PARG: variants seen among roughly 807,000 people sequenced by gnomAD.
PARG encodes poly(ADP-ribose) glycohydrolase.
PARG carries 35 observed loss-of-function variants against 113.0 expected under a neutral mutation model. That is an observed-to-expected ratio of 0.31 (90% CI 0.24 to 0.41). The LOEUF (loss-of-function observed/expected upper bound fraction) is 0.41. Ranked by LOEUF, PARG falls within the 10% of genes least tolerant of loss-of-function variation. The pLI, the probability that PARG is intolerant of heterozygous loss-of-function variation, is 1.00. For synonymous variants in PARG, 330 were observed against 409.9 expected, an observed-to-expected ratio of 0.81 and a Z score of 2.36; for missense variants, 797 against 1,169.4, an observed-to-expected ratio of 0.68 and a Z score of 4.64.
Position 49,932,112 on chromosome 10 carries a change from T to C in PARG, c.1443A>G (p.Thr481=). The change falls in exon 4 of 18, where the codon ACA becomes ACG. Residue 481 remains threonine (T), a synonymous_variant. Transcript: ENST00000616448. ...AGGTGCTACCTACCCGAATAGTTACTGTGTGATTGGCAGATGGTCTCAAGA... is the reference window on the plus strand; with the variant it reads ...AGGTGCTACCTACCCGAATAGTTACCGTGTGATTGGCAGATGGTCTCAAGA... ...LPLLRPSANH[T]VTIRVDLLRA... 1.9e-6 allele frequency: 3 copies of C among 1,591,170 alleles called. No individual in the cohort carries two copies. The highest frequency in any genetic ancestry group is 2.6e-6 in the Non-Finnish European group (3 of 1,159,060).
intron 6 of PARG, 26 bp from the exon 7 acceptor site, chr10:49,916,017 AC>A (rs1554847528): frequency 7.7e-7 from 1 of 1,298,850 alleles, no homozygotes; most frequent in Middle Eastern, 1.8e-4. Context: ...AAACAAAAAA[AC>A]GTCATGGTAT....
chr10:49,939,972 C>G (rs1332319591), intron 1 of PARG, among the ~76,000 whole-genome samples: 1 of 152,208 alleles, frequency 6.6e-6, no homozygotes, highest in Non-Finnish European at 1.5e-5. Context: ...GCTTTCCTCC[C>G]ACCTCTACAG....
In PARG at chr10:49,935,123, A is replaced by G. The variant is rs1332878155; in HGVS notation, c.237T>C (p.Ile79=). ...ATSLVFKQKT[I]TSWMDTKGIK... is the part of the protein sequence containing the mutation. ...TTCCTTTAGTGTCCATCCAACTGGT[A>G]ATAGTCTTTTGTTTGAAAACTATAA... The change falls in exon 2 of 18, where the codon ATT becomes ATC. Residue 79 remains isoleucine (I), a synonymous_variant. Coordinates refer to ENST00000616448, the MANE Select transcript of PARG (RefSeq NM_003631.5). The G allele has an allele frequency of 2.6e-6, 2 of 775,510 alleles. No homozygotes were observed. The highest frequency in any genetic ancestry group is 5.3e-5 in the East Asian group (2 of 37,516). 48.0% of individuals were successfully genotyped at this position (775,510 alleles called of 1,614,324 possible).
chr10:49,833,062 G>C (rs1355497110), intron 15 of PARG, 154 bp from the exon 16 acceptor site: 10 of 453,466 alleles, frequency 2.2e-5, no homozygotes, highest in Middle Eastern at 4.7e-4. Context: ...AAACAAAGAG[G>C]GAGAAAGGGA....
chr10:49,922,433 G>C lies in PARG; in HGVS notation c.1579-14C>G. ...TCGCTCACCATTCTTTTGGAAAAAA[G>C]AAAAACATATGAGGAAGCTATTCTA... On this transcript the variant is annotated splice_polypyrimidine_tract_variant and intron_variant, in intron 5 of 17. Transcript: ENST00000616448. 1 of 1,609,224 alleles carries C rather than the reference G, an allele frequency of 6.2e-7. No homozygotes were observed.
intron 6 of PARG, among the ~76,000 whole-genome samples, chr10:49,921,818 C>A (rs1178129393): frequency 6.6e-6 from 1 of 151,258 alleles, no homozygotes; most frequent in African/African-American, 2.4e-5. Flanking sequence ...GTTACCCTTG[C>A]AGTCATAAAT....
chr10:49,904,917 AAAATAAAT>A (rs60426487), intron 7 of PARG, among the ~76,000 whole-genome samples: 68 of 147,770 alleles, frequency 4.6e-4, no homozygotes, highest in East Asian at 1.6e-3. Flanking sequence ...GAACATCTCA[AAAATAAAT>A]AAATAAATAA....
In PARG at chr10:49,932,815, T is replaced by C. The variant is rs1838555795; in HGVS notation, c.1271+362A>G. Among the ~76,000 whole-genome samples the C allele has an allele frequency of 6.6e-5, 10 of 150,456 alleles. No individual in the cohort carries two copies. In the South Asian group the frequency reaches 1.7e-3, roughly 25 times the overall value. On this transcript the variant is annotated intron_variant, in intron 3 of 17. Coordinates refer to ENST00000616448, the MANE Select transcript of PARG (RefSeq NM_003631.5). Reference sequence around the variant, plus strand: ...TACCATCTGTCTGCCTGTCACGGCATTAAACAAAGTGTAAAAAAAAAAAAA... The same window carrying C: ...TACCATCTGTCTGCCTGTCACGGCACTAAACAAAGTGTAAAAAAAAAAAAA...
intron 16 of PARG, among the ~76,000 whole-genome samples, chr10:49,821,299 G>GT (rs1844064660): frequency 6.6e-6 from 1 of 152,138 alleles, no homozygotes; most frequent in Non-Finnish European, 1.5e-5. Flanking sequence ...ATTGAATACA[G>GT]TTACAATAAA....
At chr10:49,907,435 C>T (rs1249157422) in intron 7 of PARG, among the ~76,000 whole-genome samples, 1 of 152,048 alleles carries the variant, frequency 6.6e-6, no homozygotes, top group Non-Finnish European at 1.5e-5. Flanking sequence ...TAACAGCACC[C>T]CCTCATATAA....
At chr10:49,912,572 C>T (rs1837256334) in intron 7 of PARG, among the ~76,000 whole-genome samples, 1 of 151,644 alleles carries the variant, frequency 6.6e-6, no homozygotes, top group Non-Finnish European at 1.5e-5. Context: ...CTGAGGCAGG[C>T]AAATGGCTTG....
At chr10:49,891,913 CT>C (rs1219825948) in intron 7 of PARG, among the ~76,000 whole-genome samples, 1 of 151,598 alleles carries the variant, frequency 6.6e-6, no homozygotes, top group African/African-American at 2.4e-5. Flanking sequence ...AGGCATGAGC[CT>C]GTAATACTGA....
intron 15 of PARG, among the ~76,000 whole-genome samples, chr10:49,839,303 C>T (rs1845109664): frequency 6.6e-6 from 1 of 151,444 alleles, no homozygotes; most frequent in African/African-American, 2.4e-5. Context: ...CGCCATTGTA[C>T]TCCAGCCAGG....
chr10:49,879,193 C>T (rs1367299071), intron 9 of PARG, among the ~76,000 whole-genome samples: 1 of 152,130 alleles, frequency 6.6e-6, no homozygotes, highest in Admixed American at 6.5e-5. Flanking sequence ...CACTTTTCAT[C>T]AAAACAATTA....
chr10:49,920,171 C>T (rs1324290176), intron 6 of PARG, among the ~76,000 whole-genome samples: 1 of 151,858 alleles, frequency 6.6e-6, no homozygotes, highest in Non-Finnish European at 1.5e-5. Context: ...AGCAGTGACT[C>T]ATGCCTATAA....
chr10:49,835,846 C>T (rs541259423), intron 15 of PARG, among the ~76,000 whole-genome samples: 11 of 152,168 alleles, frequency 7.2e-5, no homozygotes, highest in African/African-American at 2.2e-4. Flanking sequence ...CAGTCAACAA[C>T]GAAGCACAAA....
chr10:49,915,027 G>T (rs1352728372), intron 7 of PARG, among the ~76,000 whole-genome samples: 1 of 152,030 alleles, frequency 6.6e-6, no homozygotes, highest in Non-Finnish European at 1.5e-5. Context: ...TGGTCATAGT[G>T]TAAGAGCTAA....
intron 7 of PARG, among the ~76,000 whole-genome samples, chr10:49,891,608 TA>T (rs1564635861): frequency 1.1e-3 from 51 of 46,198 alleles, no homozygotes; most frequent in African/African-American, 6.1e-3. Context: ...TATATATATA[TA>T]TATATATATA....
At chr10:49,888,939 C>T (rs1388811800) in intron 7 of PARG, among the ~76,000 whole-genome samples, 2 of 151,952 alleles carry the variant, frequency 1.3e-5, no homozygotes, top group Non-Finnish European at 2.9e-5. Context: ...TTAATTTCTT[C>T]CAAGTTCACT....
Sources: allele counts gnomAD v4.1 joint callset (sites outside exome capture counted in the v4.1 genomes callset), GRCh38; gene constraint gnomAD v4.1.1; transcripts MANE v1.5; gene names NCBI Gene and HGNC (gene_info 2026-07-23, HGNC 2026-07-21).